The following PAN3 variants were observed in gnomAD, a reference collection of about 807,000 sequenced individuals.
PAN3 encodes PAN2-PAN3 deadenylation complex subunit PAN3.
Under a neutral mutation model 96.2 loss-of-function variants are expected in PAN3, and 19 were observed. That is an observed-to-expected ratio of 0.20 (90% CI 0.14 to 0.29). The LOEUF (loss-of-function observed/expected upper bound fraction) is 0.29, where lower values mean the gene tolerates loss of function less well. Among genes scored for constraint, PAN3 ranks in the 10% least tolerant of loss-of-function variants. The pLI, the probability that PAN3 is intolerant of heterozygous loss-of-function variation, is 1.00. For missense variants in PAN3, 882 were observed against 1,108.1 expected (o/e 0.80, Z 2.90); for synonymous variants, 433 against 406.6 (o/e 1.06, Z -0.78).
intron 4 of PAN3, among the ~76,000 whole-genome samples, chr13:28,179,034 A>G (rs1188986576): frequency 6.6e-6 from 1 of 152,242 alleles, no homozygotes; most frequent in Non-Finnish European, 1.5e-5. Flanking sequence ...CATGTACCTA[A>G]TGTTATTTCC....
intron 5 of PAN3, among the ~76,000 whole-genome samples, chr13:28,213,626 G>A (rs1880330072): frequency 6.7e-6 from 1 of 149,152 alleles, no homozygotes; most frequent in Non-Finnish European, 1.5e-5. Flanking sequence ...GATGTTACCT[G>A]CCATCAAAGA....
chr13:28,246,631 G>GAA, intron 6 of PAN3, among the ~76,000 whole-genome samples: 1 of 152,064 alleles, frequency 6.6e-6, no homozygotes, highest in African/African-American at 2.4e-5. Context: ...CTATCTCTAT[G>GAA]AGATCTACTT....
chr13:28,143,818 A>G (rs1870193640), intron 1 of PAN3, among the ~76,000 whole-genome samples: 1 of 152,230 alleles, frequency 6.6e-6, no homozygotes, highest in Non-Finnish European at 1.5e-5. Context: ...GGAGGAGAGC[A>G]GTGCCATGGA....
At chr13:28,226,500 TAAG>T (rs773059756) in intron 6 of PAN3, among the ~76,000 whole-genome samples, 83 of 152,306 alleles carry the variant, frequency 5.4e-4, no homozygotes, top group Middle Eastern at 6.8e-3. Flanking sequence ...ACAAATTGCT[TAAG>T]AAGAAGGGAC....
intron 6 of PAN3, among the ~76,000 whole-genome samples, chr13:28,242,261 T>C (rs896565185): frequency 1.3e-5 from 2 of 152,218 alleles, no homozygotes; most frequent in Non-Finnish European, 2.9e-5. Flanking sequence ...ACTTAGTACT[T>C]CTTCCGTGAT....
chr13:28,208,961 A>T (rs1566188695), intron 5 of PAN3, among the ~76,000 whole-genome samples: 1 of 152,114 alleles, frequency 6.6e-6, no homozygotes, highest in Admixed American at 6.6e-5. Context: ...ATTCTGTGGG[A>T]TTGGTTCTAG....
At chr13:28,172,289 T>A (rs112128345) in intron 1 of PAN3, among the ~76,000 whole-genome samples, 3,886 of 152,154 alleles carry the variant, frequency 0.026, 149 homozygotes, top group African/African-American at 0.088. Context: ...ACCCTGACTC[T>A]ACTAAATATA....
At chr13:28,221,264 T>TGCCGA (rs1288541038) in intron 6 of PAN3, among the ~76,000 whole-genome samples, 11 of 152,126 alleles carry the variant, frequency 7.2e-5, no homozygotes, top group Admixed American at 2.0e-4. Flanking sequence ...ATTGGTATCT[T>TGCCGA]ATGTTTGTCG....
At chr13:28,234,341 C>A (rs749207665) in intron 6 of PAN3, among the ~76,000 whole-genome samples, 1 of 151,886 alleles carries the variant, frequency 6.6e-6, no homozygotes, top group Non-Finnish European at 1.5e-5. Flanking sequence ...GATTACTGGC[C>A]TCCATATGTT....
chr13:28,173,597 C>T (rs1007900383), intron 1 of PAN3, among the ~76,000 whole-genome samples: 4 of 152,154 alleles, frequency 2.6e-5, no homozygotes, highest in Admixed American at 2.0e-4. Context: ...GGGGGTTTCT[C>T]AATGACTGCC....
intron 1 of PAN3, among the ~76,000 whole-genome samples, chr13:28,167,831 C>A (rs771751131): frequency 3.6e-4 from 55 of 152,182 alleles, no homozygotes; most frequent in South Asian, 6.2e-4. Flanking sequence ...GTGACTGAGA[C>A]CCTGCTTCAA....
rs986928515 is a variant in PAN3 at position 28,272,303 on chromosome 13, C to G, written c.2049+232C>G. ...TTTCTATTCTTTTGCTTCTGTCTTG[C>G]TCTGTCACCTGGGCTAGAGTGCAGT... On this transcript the variant is annotated intron_variant, in intron 14 of 18. Transcript: ENST00000380958. The G allele has an allele frequency of 5.7e-5, 18 of 315,280 alleles. No individual in the cohort carries two copies. The East Asian group carries it at 9.9e-4, about 17-fold the overall frequency. 19.5% of individuals were successfully genotyped at this position (315,280 alleles called of 1,614,324 possible). A position where few individuals can be genotyped will look rare whatever the true frequency, so the allele number is the denominator to read the frequency against.
At chr13:28,195,678 G>C (rs1195393438) in intron 4 of PAN3, among the ~76,000 whole-genome samples, 1 of 152,110 alleles carries the variant, frequency 6.6e-6, no homozygotes, top group Admixed American at 6.6e-5. Flanking sequence ...TGGGATTACA[G>C]ACATGTGCCA....
chr13:28,220,106 A>C (rs1881243379), intron 5 of PAN3, 125 bp from the exon 6 acceptor site: 6 of 924,474 alleles, frequency 6.5e-6, no homozygotes, highest in Non-Finnish European at 9.2e-6. Context: ...AACCGAAAAC[A>C]CTTGTTAATC....
At chr13:28,156,992 CAAAAAAAAAAAA>C (rs35448291) in intron 1 of PAN3, among the ~76,000 whole-genome samples, 19 of 18,446 alleles carry the variant, frequency 1.0e-3, no homozygotes, top group South Asian at 2.6e-3. Context: ...GAGACCCTGT[CAAAAAAAAAAAA>C]AAAAAAAAAA....
chr13:28,265,140 A>G (rs536420104), intron 9 of PAN3, among the ~76,000 whole-genome samples: 2 of 152,382 alleles, frequency 1.3e-5, no homozygotes, highest in South Asian at 4.1e-4. Flanking sequence ...TATGGACATT[A>G]TACCAATCAT....
intron 17 of PAN3, among the ~76,000 whole-genome samples, chr13:28,283,733 G>A (rs1229216001): frequency 6.6e-6 from 1 of 152,152 alleles, no homozygotes; most frequent in African/African-American, 2.4e-5. Flanking sequence ...AGTTACCATT[G>A]TTATTCCTAT....
In PAN3 at chr13:28,227,627, T is replaced by A. The variant is rs1408500739; in HGVS notation, c.1000+7249T>A. 3.9e-5 allele frequency among the ~76,000 whole-genome samples: 6 copies of A among 152,218 alleles called. No homozygotes were observed. In the East Asian group the frequency reaches 7.7e-4, roughly 20 times the overall value. On this transcript the variant is annotated intron_variant, in intron 6 of 18. Transcript: ENST00000380958. ...TATAAGAAGGTAATAGTAGATGATT[T>A]TAAGTCTTTCTAATCTAAAATTCTG... is the stretch of plus-strand genomic sequence containing the variant.
intron 6 of PAN3, among the ~76,000 whole-genome samples, chr13:28,244,023 A>G (rs902984427): frequency 2.0e-5 from 3 of 152,142 alleles, no homozygotes; most frequent in Non-Finnish European, 2.9e-5. Flanking sequence ...TTCAGAAAAG[A>G]TGCATCTTTT....
Sources: allele counts gnomAD v4.1 joint callset (sites outside exome capture counted in the v4.1 genomes callset), GRCh38; gene constraint gnomAD v4.1.1; transcripts MANE v1.5; gene names NCBI Gene and HGNC (gene_info 2026-07-23, HGNC 2026-07-21).